The following RUNDC3B variants were observed in gnomAD, a reference collection of about 807,000 sequenced individuals.
RUNDC3B encodes the protein RUN domain containing 3B.
A neutral mutation model predicts 58.4 loss-of-function variants in RUNDC3B; 33 were observed. That is an observed-to-expected ratio of 0.56 (90% CI 0.43 to 0.75). The LOEUF (loss-of-function observed/expected upper bound fraction) is 0.75. RUNDC3B is among the 30% of genes least tolerant of loss of function. The pLI is 0.00. For missense variants in RUNDC3B, 501 were observed against 535.7 expected (o/e 0.94, Z 0.64); for synonymous variants, 193 against 195.2 (o/e 0.99, Z 0.10).
At chr7:87,667,241 T>A (rs1301530509) in intron 2 of RUNDC3B, among the ~76,000 whole-genome samples, 7 of 152,152 alleles carry the variant, frequency 4.6e-5, no homozygotes, top group Admixed American at 3.9e-4. Flanking sequence ...TTATTCTTTT[T>A]CTGGCAGTTG....
chr7:87,697,307 T>G (rs1828577363), intron 2 of RUNDC3B, among the ~76,000 whole-genome samples: 1 of 152,228 alleles, frequency 6.6e-6, no homozygotes, highest in East Asian at 1.9e-4. Context: ...TAGAGAGACT[T>G]AAACTCACCA....
At chr7:87,826,605 TAGAA>T (rs1187382091) in intron 10 of RUNDC3B, among the ~76,000 whole-genome samples, 1 of 152,102 alleles carries the variant, frequency 6.6e-6, no homozygotes, top group Non-Finnish European at 1.5e-5. Context: ...GTGGTTGAAT[TAGAA>T]AGGCAAGAAT....
At chr7:87,732,479 C>T (rs1770347160) in intron 4 of RUNDC3B, among the ~76,000 whole-genome samples, 1 of 152,108 alleles carries the variant, frequency 6.6e-6, no homozygotes, top group African/African-American at 2.4e-5. Context: ...TCACAAACGG[C>T]ACTTGGAGTG....
Position 87,705,453 on chromosome 7 carries a change from A to C in RUNDC3B, c.372+4899A>C, listed in dbSNP as rs149508481. Among the ~76,000 whole-genome samples the C allele has an allele frequency of 8.8e-3, 1,347 of 152,238 alleles. 10 individuals are homozygous for C. Among genetic ancestry groups the C allele is most frequent in the African/African-American group, 0.027 (1,133 of 41,534 alleles). On this transcript the variant is annotated intron_variant, in intron 3 of 10. Coordinates refer to ENST00000394654, the MANE Select transcript of RUNDC3B (RefSeq NM_001134405.2). ...AAAACAAACAAAACAACAACAACAA[A>C]AAAAAACAATGAAATGCTAACCATT...
intron 3 of RUNDC3B, among the ~76,000 whole-genome samples, chr7:87,705,822 G>T (rs910216787): frequency 5.9e-5 from 9 of 151,956 alleles, no homozygotes; most frequent in Non-Finnish European, 1.3e-4. Flanking sequence ...ACTCCCAATT[G>T]AATCTTTAGT....
chr7:87,649,377 G>C (rs1341457796), intron 1 of RUNDC3B, among the ~76,000 whole-genome samples: 1 of 152,224 alleles, frequency 6.6e-6, no homozygotes, highest in Non-Finnish European at 1.5e-5. Flanking sequence ...GAGATACATA[G>C]TTCAGAAAGC....
chr7:87,728,377 T>A (rs117800439), intron 4 of RUNDC3B, among the ~76,000 whole-genome samples: 6 of 152,224 alleles, frequency 3.9e-5, no homozygotes, highest in African/African-American at 1.2e-4. Context: ...TAGTTTCCTA[T>A]TGTTACCTGT....
Position 87,756,597 on chromosome 7 carries a change from G to T in RUNDC3B, c.630-13984G>T, listed in dbSNP as rs1833388253. On this transcript the variant is annotated intron_variant, in intron 6 of 10. Transcript: ENST00000394654. ...ACTTATATATACTCCCTTAAAATAT[G>T]AAAAATTTTTATATTCAAAAAGTAG... Among the ~76,000 whole-genome samples, 3 of 151,922 alleles carry T rather than the reference G, an allele frequency of 2.0e-5. No homozygotes were observed. In the South Asian group the frequency reaches 6.2e-4, roughly 31 times the overall value.
At chr7:87,667,415 A>G (rs779960567) in intron 2 of RUNDC3B, among the ~76,000 whole-genome samples, 24 of 151,694 alleles carry the variant, frequency 1.6e-4, no homozygotes, top group Admixed American at 6.6e-5. Context: ...TTTTCTAGAT[A>G]TAGAATCATG....
At chr7:87,651,869 C>T (rs1013721612) in intron 2 of RUNDC3B, among the ~76,000 whole-genome samples, 15 of 152,066 alleles carry the variant, frequency 9.9e-5, no homozygotes, top group Non-Finnish European at 2.1e-4. Flanking sequence ...TCATTTATCC[C>T]TCTGCAATTT....
chr7:87,823,783 CAT>C (rs148619294), intron 10 of RUNDC3B, among the ~76,000 whole-genome samples: 2,085 of 149,476 alleles, frequency 0.014, 26 homozygotes, highest in South Asian at 0.023. Flanking sequence ...TATTCCATTT[CAT>C]ATATATACAC....
chr7:87,811,539 T>C lies in RUNDC3B; in HGVS notation c.1103+4020T>C, dbSNP rs551636072. Among the ~76,000 whole-genome samples, 873 of 152,290 alleles carry C rather than the reference T, an allele frequency of 5.7e-3. 10 individuals are homozygous for C. The highest frequency in any genetic ancestry group is 0.02 in the African/African-American group (821 of 41,562). On this transcript the variant is annotated intron_variant, in intron 9 of 10. Transcript: ENST00000394654. ...TTTTAGTAGAGATAGAGTTTCACCA[T>C]GTTGGCCAGGATGGCCTCGATCTCT...
chr7:87,731,610 A>C (rs1035878638), intron 4 of RUNDC3B, among the ~76,000 whole-genome samples: 1 of 152,230 alleles, frequency 6.6e-6, no homozygotes, highest in African/African-American at 2.4e-5. Flanking sequence ...CATAGAAAAA[A>C]AGTTGTCTGT....
At chr7:87,681,430 A>G (rs1826916969) in intron 2 of RUNDC3B, among the ~76,000 whole-genome samples, 1 of 150,808 alleles carries the variant, frequency 6.6e-6, no homozygotes, top group African/African-American at 2.5e-5. Flanking sequence ...CTAATTCAAT[A>G]AAGTAAATAT....
At chr7:87,739,291 T>A (rs572408615) in intron 4 of RUNDC3B, among the ~76,000 whole-genome samples, 4 of 152,022 alleles carry the variant, frequency 2.6e-5, no homozygotes, top group Admixed American at 6.6e-5. Flanking sequence ...AAGGTTACCA[T>A]AAATTACTAA....
Position 87,777,780 on chromosome 7 carries a change from A to T in RUNDC3B, c.799-18A>T, listed in dbSNP as rs1261084278. The T allele has an allele frequency of 1.2e-6, 2 of 1,611,776 alleles. No individual in the cohort carries two copies. Among genetic ancestry groups the T allele is most frequent in the Admixed American group, 3.3e-5 (2 of 59,852 alleles). ...AGAATTTTGCAGTTTCTATATCTTG[A>T]TGATACTGGATTTCCAGGGTTACCT... On this transcript the variant is annotated intron_variant, in intron 7 of 10. Transcript: ENST00000394654.
intron 8 of RUNDC3B, among the ~76,000 whole-genome samples, chr7:87,786,081 A>G (rs1405657093): frequency 6.6e-6 from 1 of 152,080 alleles, no homozygotes; most frequent in Non-Finnish European, 1.5e-5. Context: ...CTCTCAAACA[A>G]TCTGTTTGAA....
intron 8 of RUNDC3B, among the ~76,000 whole-genome samples, chr7:87,786,203 C>T (rs2130897896): frequency 6.6e-6 from 1 of 152,256 alleles, no homozygotes; most frequent in South Asian, 2.1e-4. Context: ...TAGAATTGGA[C>T]TCTGCAGACA....
chr7:87,665,427 A>T (rs1825126338), intron 2 of RUNDC3B, among the ~76,000 whole-genome samples: 1 of 152,106 alleles, frequency 6.6e-6, no homozygotes, highest in South Asian at 2.1e-4. Flanking sequence ...TTGATTAAAT[A>T]AATTGTAGAA....
Sources: gnomAD v4.1 joint callset for allele counts (sites outside exome capture counted in the v4.1 genomes callset) on GRCh38, gnomAD v4.1.1 for gene constraint, MANE v1.5 for transcripts, NCBI Gene and HGNC (gene_info 2026-07-23, HGNC 2026-07-21) for gene names.